Variants in VPS13B observed in about 807,000 individuals in gnomAD.
VPS13B encodes intermembrane lipid transfer protein VPS13B.
In VPS13B, 285 loss-of-function variants were observed where a neutral mutation model predicts 426.4. That is an observed-to-expected ratio of 0.67 (90% CI 0.61 to 0.74). The LOEUF (loss-of-function observed/expected upper bound fraction) is 0.74. Among genes scored for constraint, VPS13B ranks in the 30% least tolerant of loss-of-function variants. VPS13B has a pLI of 0.00. For synonymous variants in VPS13B, 1,676 were observed against 1,676.4 expected, an observed-to-expected ratio of 1.00 and a Z score of 0.01; for missense variants, 4,537 against 4,782.6, an observed-to-expected ratio of 0.95 and a Z score of 1.51.
chr8:99,776,759 C>G lies in VPS13B; in HGVS notation c.7248-16C>G. 6.2e-7 allele frequency: 1 copy of G among 1,613,836 alleles called. No homozygotes were observed. Among genetic ancestry groups the G allele is most frequent in the Non-Finnish European group, 8.5e-7 (1 of 1,179,822 alleles). ...ATTTTGGTTATTGAACTTCTTTTAT[C>G]ACTTCTTTCCCATAGCTCTGCAAGT... is the stretch of plus-strand genomic sequence containing the variant. On this transcript the variant is annotated splice_polypyrimidine_tract_variant and intron_variant, in intron 40 of 61. Coordinates refer to ENST00000357162, the MANE Select transcript of VPS13B (RefSeq NM_152564.5).
At chr8:99,235,183 T>C (rs1816570490) in intron 17 of VPS13B, among the ~76,000 whole-genome samples, 1 of 152,194 alleles carries the variant, frequency 6.6e-6, no homozygotes. Flanking sequence ...CCACATCTAT[T>C]TCAGTTGGAA....
intron 21 of VPS13B, among the ~76,000 whole-genome samples, chr8:99,419,414 A>G (rs750544583): frequency 2.7e-4 from 41 of 150,752 alleles, no homozygotes; most frequent in Non-Finnish European, 5.8e-4. Flanking sequence ...GACTAACACA[A>G]TTTCCCTTAT....
At chr8:99,030,569 G>A (rs1842465282) in intron 2 of VPS13B, among the ~76,000 whole-genome samples, 1 of 152,042 alleles carries the variant, frequency 6.6e-6, no homozygotes, top group South Asian at 2.1e-4. Context: ...TCAGCCACCT[G>A]TGACACTGAA....
At chr8:99,170,016 T>A (rs766910344) in intron 15 of VPS13B, 23 bp from the exon 16 acceptor site, 1 of 1,611,576 alleles carries the variant, frequency 6.2e-7, no homozygotes, top group Non-Finnish European at 8.5e-7. Context: ...TGTGAACACT[T>A]GCATCTTTTC....
At chr8:99,159,879 G>A (rs933169917) in intron 15 of VPS13B, among the ~76,000 whole-genome samples, 7 of 152,032 alleles carry the variant, frequency 4.6e-5, no homozygotes, top group South Asian at 2.1e-4. Flanking sequence ...GGCTGGTCTC[G>A]AATTCCTGAG....
chr8:99,818,969 C>CGG, intron 47 of VPS13B, 81 bp downstream of exon 47: 1 of 78,702 alleles, frequency 1.3e-5, no homozygotes, highest in Non-Finnish European at 2.5e-5. Context: ...TGGGGGGCGG[C>CGG]GGGGGAGGGG....
intron 30 of VPS13B, among the ~76,000 whole-genome samples, chr8:99,529,162 T>G (rs1343172532): frequency 6.6e-6 from 1 of 152,126 alleles, no homozygotes; most frequent in Non-Finnish European, 1.5e-5. Context: ...CCAAAGTGTA[T>G]GCAATACTCC....
At chr8:99,615,489 C>G (rs183347496) in intron 33 of VPS13B, among the ~76,000 whole-genome samples, 26 of 152,326 alleles carry the variant, frequency 1.7e-4, no homozygotes, top group African/African-American at 6.0e-4. Flanking sequence ...ATTTAGTAGA[C>G]ACTCCTCAAA....
intron 33 of VPS13B, among the ~76,000 whole-genome samples, chr8:99,604,197 C>T: frequency 6.6e-6 from 1 of 152,090 alleles, no homozygotes; most frequent in South Asian, 2.1e-4. Flanking sequence ...TTAGAATGGT[C>T]TTAGATTTAC....
chr8:99,652,672 T>G (rs1829868581), intron 34 of VPS13B, among the ~76,000 whole-genome samples: 1 of 152,090 alleles, frequency 6.6e-6, no homozygotes, highest in Non-Finnish European at 1.5e-5. Context: ...CTTGATTTCA[T>G]TTAGTTATTG....
chr8:99,055,574 A>G (rs1843806008), intron 3 of VPS13B, among the ~76,000 whole-genome samples: 1 of 152,160 alleles, frequency 6.6e-6, no homozygotes, highest in Non-Finnish European at 1.5e-5. Flanking sequence ...GCAGTGTATT[A>G]TAATTTTCAT....
chr8:99,833,785 C>G (rs1448929603), intron 52 of VPS13B, among the ~76,000 whole-genome samples: 1 of 152,150 alleles, frequency 6.6e-6, no homozygotes, highest in Non-Finnish European at 1.5e-5. Context: ...TTAATCTTAT[C>G]TATAAATACT....
chr8:99,508,907 T>TAA (rs945407315), intron 28 of VPS13B, among the ~76,000 whole-genome samples: 1 of 148,376 alleles, frequency 6.7e-6, no homozygotes, highest in African/African-American at 2.5e-5. Context: ...ATGCAGCAAT[T>TAA]AAAAAAAAAA....
intron 35 of VPS13B, among the ~76,000 whole-genome samples, chr8:99,693,394 T>C (rs1425795215): frequency 1.3e-5 from 2 of 149,856 alleles, no homozygotes; most frequent in East Asian, 2.0e-4. Flanking sequence ...GTTCAATATA[T>C]GCAAATCAAT....
chr8:99,296,032 C>CA (rs1227302902), intron 19 of VPS13B, among the ~76,000 whole-genome samples: 8 of 151,780 alleles, frequency 5.3e-5, no homozygotes, highest in Admixed American at 5.3e-4. Flanking sequence ...GACCCTATCT[C>CA]AAAAAAACAA....
At chr8:99,708,845 CTCTCTA>C (rs1270528288) in intron 36 of VPS13B, among the ~76,000 whole-genome samples, 1 of 146,006 alleles carries the variant, frequency 6.8e-6, no homozygotes, top group Non-Finnish European at 1.5e-5. Context: ...CTCTCTCTCT[CTCTCTA>C]TATATATATA....
intron 19 of VPS13B, among the ~76,000 whole-genome samples, chr8:99,282,535 A>G (rs1381054509): frequency 6.6e-6 from 1 of 152,148 alleles, no homozygotes; most frequent in Admixed American, 6.5e-5. Context: ...AAAGCTTTAT[A>G]CTTATTTCTA....
chr8:99,092,160 T>C (rs1846184133), intron 3 of VPS13B: 1 of 152,182 alleles, frequency 6.6e-6, no homozygotes, highest in Admixed American at 6.6e-5. Context: ...ATGAAAGTAA[T>C]GGATCTGTTT....
intron 35 of VPS13B, among the ~76,000 whole-genome samples, chr8:99,676,244 G>A (rs139546712): frequency 0.033 from 4,972 of 152,164 alleles, 107 homozygotes; most frequent in Middle Eastern, 0.068. Flanking sequence ...ATGGAATCCC[G>A]TGGCCACCAA....
Sources: gnomAD v4.1 joint callset for allele counts (sites outside exome capture counted in the v4.1 genomes callset) on GRCh38, gnomAD v4.1.1 for gene constraint, MANE v1.5 for transcripts, NCBI Gene and HGNC (gene_info 2026-07-23, HGNC 2026-07-21) for gene names.